Variants in PDE1A observed in about 807,000 individuals in gnomAD.
PDE1A encodes dual specificity calcium/calmodulin-dependent 3',5'-cyclic nucleotide phosphodiesterase 1A.
PDE1A carries 35 observed loss-of-function variants against 61.7 expected under a neutral mutation model. The ratio of observed to expected loss-of-function variants is 0.57; its 90% CI spans 0.43 to 0.75. The LOEUF (loss-of-function observed/expected upper bound fraction) is 0.75. Among genes scored for constraint, PDE1A ranks in the 30% least tolerant of loss-of-function variants. PDE1A has a pLI of 0.00. For synonymous variants in PDE1A, 232 were observed against 213.2 expected, an observed-to-expected ratio of 1.09 and a Z score of -0.77; for missense variants, 597 against 630.6, an observed-to-expected ratio of 0.95 and a Z score of 0.57.
At chr2:182,415,855 A>C (rs1702883051) in intron 1 of PDE1A, among the ~76,000 whole-genome samples, 1 of 152,204 alleles carries the variant, frequency 6.6e-6, no homozygotes, top group South Asian at 2.1e-4. Context: ...AGCTAAAAAC[A>C]ATGTTTAAGG....
At chr2:182,462,165 G>A (rs535031358) in intron 2 of PDE1A, among the ~76,000 whole-genome samples, 234 of 152,046 alleles carry the variant, frequency 1.5e-3, no homozygotes, top group South Asian at 6.4e-3. Context: ...TGGGGTGGGG[G>A]GAGCGGGGAG....
the PDE1A span, among the ~76,000 whole-genome samples, chr2:182,716,637 CCT>C: frequency 6.6e-6 from 1 of 152,216 alleles, no homozygotes; most frequent in African/African-American, 2.4e-5. Context: ...CTTCCTCCTC[CCT>C]GTTATTCACA....
At chr2:182,682,774 G>A in the PDE1A span, among the ~76,000 whole-genome samples, 1 of 152,150 alleles carries the variant, frequency 6.6e-6, no homozygotes, top group Non-Finnish European at 1.5e-5. Flanking sequence ...AGGCATGTGT[G>A]GGAAGTTAAA....
intron 1 of PDE1A, among the ~76,000 whole-genome samples, chr2:182,311,874 C>T (rs1341236555): frequency 1.3e-5 from 2 of 152,136 alleles, no homozygotes; most frequent in African/African-American, 4.8e-5. Flanking sequence ...AGTGACTGTA[C>T]TATTTTGTAT....
intron 1 of PDE1A, among the ~76,000 whole-genome samples, chr2:182,415,692 A>G (rs534629766): frequency 7.2e-5 from 11 of 152,284 alleles, no homozygotes; most frequent in Non-Finnish European, 1.3e-4. Flanking sequence ...TAAGTGTATC[A>G]TATGTGATAT....
the PDE1A span, among the ~76,000 whole-genome samples, chr2:182,533,808 G>C: frequency 6.6e-6 from 1 of 151,998 alleles, no homozygotes; most frequent in African/African-American, 2.4e-5. Context: ...CAAAATTTGA[G>C]CTCCATGGAT....
At chr2:182,320,387 T>G (rs528591568) in intron 1 of PDE1A, among the ~76,000 whole-genome samples, 1 of 152,034 alleles carries the variant, frequency 6.6e-6, no homozygotes, top group Non-Finnish European at 1.5e-5. Context: ...GCCGCACTGA[T>G]GAAGAGGAAA....
chr2:182,447,117 T>TCACACA (rs1268839411), intron 2 of PDE1A, among the ~76,000 whole-genome samples: 4 of 76,946 alleles, frequency 5.2e-5, no homozygotes, highest in African/African-American at 2.0e-4. Context: ...TTTTTTTCAC[T>TCACACA]TACACACACA....
the PDE1A span, among the ~76,000 whole-genome samples, chr2:182,550,542 G>T: frequency 2.6e-5 from 4 of 152,058 alleles, no homozygotes; most frequent in Non-Finnish European, 5.9e-5. Flanking sequence ...CTTTAATTCC[G>T]TTCTACTGAA....
chr2:182,415,091 T>A lies in PDE1A; in HGVS notation c.53+11487A>T, dbSNP rs115244756. Reference sequence around the variant, plus strand: ...TTCTACCCTACAGATAGAAGCATTTTAAAAAAAATTCTGTCTTTACCACTC... The same window carrying A: ...TTCTACCCTACAGATAGAAGCATTTAAAAAAAAATTCTGTCTTTACCACTC... On this transcript the variant is annotated intron_variant, in intron 1 of 13. Coordinates refer to ENST00000351439, the Ensembl canonical transcript of PDE1A. Among the ~76,000 whole-genome samples, 397 of 152,088 alleles carry A rather than the reference T, an allele frequency of 2.6e-3. 2 individuals are homozygous for A. The highest frequency in any genetic ancestry group is 8.7e-3 in the African/African-American group (363 of 41,516).
At chr2:182,622,822 GAAC>G in the PDE1A span, among the ~76,000 whole-genome samples, 2 of 152,002 alleles carry the variant, frequency 1.3e-5, no homozygotes, top group African/African-American at 4.8e-5. Flanking sequence ...AAGAAAACTG[GAAC>G]AATAAGCACA....
chr2:182,224,458 A>C (rs953137225), intron 6 of PDE1A, among the ~76,000 whole-genome samples: 19 of 151,942 alleles, frequency 1.3e-4, no homozygotes, highest in Admixed American at 5.9e-4. Context: ...GAGATTTAGA[A>C]GTTTCTGAAA....
chr2:182,709,704 A>G, the PDE1A span, among the ~76,000 whole-genome samples: 1 of 152,216 alleles, frequency 6.6e-6, no homozygotes, highest in African/African-American at 2.4e-5. Flanking sequence ...AACATATCTC[A>G]TACATATATC....
the PDE1A span, among the ~76,000 whole-genome samples, chr2:182,660,766 C>G: frequency 6.6e-6 from 1 of 152,198 alleles, no homozygotes; most frequent in African/African-American, 2.4e-5. Flanking sequence ...TGCCAACAAC[C>G]TGAACGAACT....
chr2:182,693,180 T>C, the PDE1A span, among the ~76,000 whole-genome samples: 2 of 152,200 alleles, frequency 1.3e-5, no homozygotes, highest in Admixed American at 6.5e-5. Context: ...ATTTCAAATA[T>C]ATATAAAATC....
chr2:182,688,049 T>A, the PDE1A span, among the ~76,000 whole-genome samples: 1 of 152,176 alleles, frequency 6.6e-6, no homozygotes, highest in Non-Finnish European at 1.5e-5. Flanking sequence ...AATCTAGGTC[T>A]GACTGGTGTA....
chr2:182,394,220 C>T lies in PDE1A; in HGVS notation c.53+32358G>A, dbSNP rs556619804. 7.2e-5 allele frequency among the ~76,000 whole-genome samples: 11 copies of T among 152,284 alleles called. No homozygotes were observed. In the East Asian group the frequency reaches 2.1e-3, roughly 29 times the overall value. On this transcript the variant is annotated intron_variant, in intron 1 of 13. Coordinates refer to ENST00000351439, the Ensembl canonical transcript of PDE1A. ...AAAGAGGTTTAATGGACTCACAGTT[C>T]CACATTAACTGTTAGGTTGCGGGGG...
chr2:182,376,887 A>C (rs1478212656), intron 1 of PDE1A, among the ~76,000 whole-genome samples: 1 of 152,200 alleles, frequency 6.6e-6, no homozygotes, highest in Non-Finnish European at 1.5e-5. Flanking sequence ...AGGATACAAA[A>C]GTGGAAACAC....
At position 182,222,745 on chromosome 2, in the gene PDE1A, T is replaced by C. The variant is rs1688833254; in HGVS notation, c.776+1119A>G. On this transcript the variant is annotated intron_variant, in intron 7 of 13. Coordinates refer to ENST00000351439, the Ensembl canonical transcript of PDE1A. ...AAAGTCTATTAATTAGAAAAAAAAA[T>C]CAGATCTAATCTTTCCTCAACAAGA... 6.0e-5 allele frequency among the ~76,000 whole-genome samples: 9 copies of C among 149,006 alleles called. No individual in the cohort carries two copies. The South Asian group carries it at 1.9e-3, about 32-fold the overall frequency.
Sources: gnomAD v4.1 joint callset for allele counts (sites outside exome capture counted in the v4.1 genomes callset) on GRCh38, gnomAD v4.1.1 for gene constraint, MANE v1.5 for transcripts, NCBI Gene and HGNC (gene_info 2026-07-23, HGNC 2026-07-21) for gene names.